The following CDH13 variants were observed in gnomAD, a reference collection of about 807,000 sequenced individuals.
CDH13 encodes the protein cadherin 13.
In CDH13, 24 loss-of-function variants were observed where a neutral mutation model predicts 63.8. That is an observed-to-expected ratio of 0.38 (90% CI 0.27 to 0.53). The LOEUF (loss-of-function observed/expected upper bound fraction) is 0.53, where lower values mean the gene tolerates loss of function less well. Ranked by LOEUF, CDH13 falls within the 20% of genes least tolerant of loss-of-function variation. CDH13 has a pLI of 0.85. For synonymous variants in CDH13, 503 were observed against 355.3 expected, an observed-to-expected ratio of 1.42 and a Z score of -4.67; for missense variants, 1,049 against 903.1, an observed-to-expected ratio of 1.16 and a Z score of -2.07.
At chr16:82,811,439 C>G (rs2037440176) in intron 1 of CDH13, among the ~76,000 whole-genome samples, 1 of 152,094 alleles carries the variant, frequency 6.6e-6, no homozygotes, top group Non-Finnish European at 1.5e-5. Flanking sequence ...CAGGATATTT[C>G]CCACAATTGA....
chr16:82,698,730 G>A (rs996448516), intron 1 of CDH13, among the ~76,000 whole-genome samples: 8 of 152,160 alleles, frequency 5.3e-5, no homozygotes, highest in African/African-American at 1.7e-4. Flanking sequence ...ATGGCACAGG[G>A]GGGCGTGAAG....
chr16:82,863,814 T>C (rs1192406108), intron 2 of CDH13, among the ~76,000 whole-genome samples: 1 of 152,220 alleles, frequency 6.6e-6, no homozygotes, highest in Non-Finnish European at 1.5e-5. Context: ...AAGAAGCGAC[T>C]AAAGCAGTGA....
intron 2 of CDH13, among the ~76,000 whole-genome samples, chr16:83,015,383 C>T (rs1914653785): frequency 6.6e-6 from 1 of 151,410 alleles, no homozygotes; most frequent in Non-Finnish European, 1.5e-5. Context: ...CCTCAAAGTT[C>T]CTTGGTTATT....
intron 2 of CDH13, among the ~76,000 whole-genome samples, chr16:82,869,490 A>G (rs1211762831): frequency 3.3e-5 from 5 of 152,186 alleles, no homozygotes; most frequent in Admixed American, 6.5e-5. Flanking sequence ...AAATTCTAAA[A>G]TTTATACAGA....
At chr16:83,465,078 G>C (rs567128002) in intron 6 of CDH13, among the ~76,000 whole-genome samples, 6 of 152,316 alleles carry the variant, frequency 3.9e-5, no homozygotes, top group African/African-American at 1.4e-4. Context: ...GTGACAGAAG[G>C]CGGCAGACAA....
chr16:83,140,973 CA>C (rs1597404283), intron 4 of CDH13, among the ~76,000 whole-genome samples: 1 of 152,184 alleles, frequency 6.6e-6, no homozygotes, highest in East Asian at 1.9e-4. Context: ...AATTGCTAAA[CA>C]GACAATTTTC....
intron 4 of CDH13, among the ~76,000 whole-genome samples, chr16:83,160,246 T>TG (rs2037389513): frequency 6.6e-6 from 1 of 151,956 alleles, no homozygotes; most frequent in Non-Finnish European, 1.5e-5. Flanking sequence ...ACCACTCTGG[T>TG]GGGGGTCATT....
At chr16:82,712,135 A>C (rs868307248) in intron 1 of CDH13, among the ~76,000 whole-genome samples, 6 of 151,974 alleles carry the variant, frequency 3.9e-5, no homozygotes, top group Non-Finnish European at 7.4e-5. Flanking sequence ...AAATCATCCA[A>C]CTGCCTTTCA....
At chr16:83,403,816 A>T (rs1425982739) in intron 6 of CDH13, among the ~76,000 whole-genome samples, 1 of 152,148 alleles carries the variant, frequency 6.6e-6, no homozygotes, top group East Asian at 1.9e-4. Flanking sequence ...ACCTAGATAC[A>T]AAAAGTTCAG....
intron 4 of CDH13, among the ~76,000 whole-genome samples, chr16:83,197,780 ACACT>A (rs1486522198): frequency 2.0e-5 from 3 of 148,518 alleles, no homozygotes; most frequent in Non-Finnish European, 4.4e-5. Context: ...ACACTCTCAC[ACACT>A]CACACACTCA....
At chr16:83,233,387 T>G (rs1452246644) in intron 5 of CDH13, among the ~76,000 whole-genome samples, 1 of 152,224 alleles carries the variant, frequency 6.6e-6, no homozygotes, top group Non-Finnish European at 1.5e-5. Context: ...GTCCTTGTGC[T>G]GACTCAACGA....
chr16:83,709,537 A>C (rs1907687634), intron 10 of CDH13, among the ~76,000 whole-genome samples: 1 of 152,208 alleles, frequency 6.6e-6, no homozygotes, highest in Non-Finnish European at 1.5e-5. Flanking sequence ...TGCATCCACC[A>C]TGTTGCCCAC....
chr16:83,253,823 C>G (rs1442886177), intron 5 of CDH13, among the ~76,000 whole-genome samples: 1 of 152,150 alleles, frequency 6.6e-6, no homozygotes, highest in Admixed American at 6.5e-5. Context: ...GCAGGCACAT[C>G]CATGTAATAT....
At chr16:83,001,052 C>G (rs1331096617) in intron 2 of CDH13, among the ~76,000 whole-genome samples, 1 of 152,174 alleles carries the variant, frequency 6.6e-6, no homozygotes, top group African/African-American at 2.4e-5. Context: ...ATAGAGCTTC[C>G]TTTGTGAATT....
chr16:83,617,734 T>A (rs1329870934), intron 8 of CDH13, among the ~76,000 whole-genome samples: 1 of 151,724 alleles, frequency 6.6e-6, no homozygotes, highest in African/African-American at 2.4e-5. Context: ...TAATATCTAT[T>A]CTAATATGCA....
rs75226145 is a variant in CDH13 at position 83,336,956 on chromosome 16, G to C, written c.637-7906G>C. On this transcript the variant is annotated intron_variant, in intron 5 of 13. Coordinates refer to ENST00000567109, the MANE Select transcript of CDH13 (RefSeq NM_001257.5). ...GTACATCCCTTTGGGTAAGATCTCA[G>C]TGTCAAATTTTGTCGGACTAAATTG... is the stretch of plus-strand genomic sequence containing the variant. 8.1e-3 allele frequency among the ~76,000 whole-genome samples: 1,235 copies of C among 152,258 alleles called. 8 individuals carry two copies. Among genetic ancestry groups the C allele is most frequent in the Non-Finnish European group, 0.011 (735 of 68,022 alleles).
intron 2 of CDH13, among the ~76,000 whole-genome samples, chr16:82,867,939 T>A (rs9937831): frequency 6.6e-6 from 1 of 152,068 alleles, no homozygotes; most frequent in African/African-American, 2.4e-5. Context: ...ATTCTTTTAC[T>A]TTTGCTTTCA....
chr16:83,698,343 G>C (rs761946423), intron 10 of CDH13, among the ~76,000 whole-genome samples: 1 of 152,138 alleles, frequency 6.6e-6, no homozygotes, highest in Non-Finnish European at 1.5e-5. Flanking sequence ...TCCTTGGTTT[G>C]GGCCTCCCCT....
chr16:83,444,679 G>A (rs761036052), intron 6 of CDH13, among the ~76,000 whole-genome samples: 8 of 152,156 alleles, frequency 5.3e-5, no homozygotes, highest in East Asian at 1.9e-4. Context: ...AGTAACTGGC[G>A]AGCTGGAGTA....
Sources: gnomAD v4.1 joint callset for allele counts (sites outside exome capture counted in the v4.1 genomes callset) on GRCh38, gnomAD v4.1.1 for gene constraint, MANE v1.5 for transcripts, NCBI Gene and HGNC (gene_info 2026-07-23, HGNC 2026-07-21) for gene names.